Variants in SPHKAP observed in about 807,000 individuals in gnomAD.
SPHKAP encodes SPHK1 interactor, AKAP domain containing, also known as A-kinase anchor protein SPHKAP.
A neutral mutation model predicts 137.5 loss-of-function variants in SPHKAP; 67 were observed. The ratio of observed to expected loss-of-function variants is 0.49; its 90% CI spans 0.40 to 0.60. The LOEUF (loss-of-function observed/expected upper bound fraction) is 0.60, where lower values mean the gene tolerates loss of function less well. Ranked by LOEUF, SPHKAP falls within the 20% of genes least tolerant of loss-of-function variation. The pLI, the probability that SPHKAP is intolerant of heterozygous loss-of-function variation, is 0.00. For synonymous variants in SPHKAP, 813 were observed against 785.3 expected, an observed-to-expected ratio of 1.04 and a Z score of -0.59; for missense variants, 2,097 against 2,069.3, an observed-to-expected ratio of 1.01 and a Z score of -0.26.
chr2:228,054,440 G>T (rs772182369), intron 3 of SPHKAP, among the ~76,000 whole-genome samples: 4 of 152,210 alleles, frequency 2.6e-5, no homozygotes, highest in Middle Eastern at 3.4e-3. Context: ...GTGTAGAATG[G>T]TATAGAATAG....
intron 1 of SPHKAP, among the ~76,000 whole-genome samples, chr2:228,153,666 A>T (rs1258911722): frequency 2.0e-5 from 3 of 152,130 alleles, no homozygotes; most frequent in African/African-American, 7.2e-5. Flanking sequence ...TGGTCTGATG[A>T]TATTTAGCTG....
intron 3 of SPHKAP, among the ~76,000 whole-genome samples, chr2:228,041,827 TG>T (rs1288821337): frequency 6.6e-6 from 1 of 151,920 alleles, no homozygotes; most frequent in Non-Finnish European, 1.5e-5. Context: ...GGAGGGGATG[TG>T]CAGACTCTGG....
chr2:228,061,473 T>C (rs1232440318), intron 3 of SPHKAP, among the ~76,000 whole-genome samples: 1 of 152,044 alleles, frequency 6.6e-6, no homozygotes, highest in East Asian at 1.9e-4. Flanking sequence ...GATTTCATCA[T>C]GTTGACTGGG....
At chr2:228,013,403 C>T (rs1182456253) in intron 7 of SPHKAP, among the ~76,000 whole-genome samples, 2 of 152,118 alleles carry the variant, frequency 1.3e-5, no homozygotes, top group Non-Finnish European at 2.9e-5. Context: ...CCCTCCACCA[C>T]ACCTGGCTAA....
intron 3 of SPHKAP, among the ~76,000 whole-genome samples, chr2:228,092,952 T>A (rs1261737013): frequency 1.3e-5 from 2 of 152,024 alleles, no homozygotes; most frequent in East Asian, 3.9e-4. Context: ...CAAACTGGGT[T>A]CAGTGTATAC....
chr2:228,012,163 CAAAAAAAAAAAAAAA>C (rs544782857), intron 7 of SPHKAP, among the ~76,000 whole-genome samples: 1 of 84,924 alleles, frequency 1.2e-5, no homozygotes, highest in Non-Finnish European at 2.2e-5. Flanking sequence ...GACTCTACCT[CAAAAAAAAAAAAAAA>C]AAAAAAAAAA....
intron 3 of SPHKAP, among the ~76,000 whole-genome samples, chr2:228,053,857 A>G (rs1412106017): frequency 6.6e-6 from 1 of 151,778 alleles, no homozygotes; most frequent in African/African-American, 2.4e-5. Flanking sequence ...CCATTGTCCC[A>G]TTTTCTTTGT....
chr2:228,045,125 T>C (rs569677058), intron 3 of SPHKAP, among the ~76,000 whole-genome samples: 20 of 150,530 alleles, frequency 1.3e-4, no homozygotes, highest in Non-Finnish European at 2.5e-4. Flanking sequence ...TGTGGAGAAA[T>C]AGGAACACTT....
At chr2:228,012,599 C>T (rs1013602368) in intron 7 of SPHKAP, among the ~76,000 whole-genome samples, 5 of 152,172 alleles carry the variant, frequency 3.3e-5, no homozygotes, top group African/African-American at 1.2e-4. Context: ...TGTACTCTCC[C>T]TGTCTCTCCC....
At chr2:228,140,282 G>A (rs2106385651) in intron 1 of SPHKAP, among the ~76,000 whole-genome samples, 1 of 150,448 alleles carries the variant, frequency 6.6e-6, no homozygotes, top group South Asian at 2.1e-4. Context: ...AAAAAATGAG[G>A]TATATATTTT....
intron 3 of SPHKAP, among the ~76,000 whole-genome samples, chr2:228,063,857 T>C (rs943896459): frequency 1.3e-5 from 2 of 152,340 alleles, no homozygotes; most frequent in South Asian, 2.1e-4. Context: ...GGTCCATTCA[T>C]CCTGAAATTA....
chr2:228,081,613 C>T (rs561486353), intron 3 of SPHKAP, among the ~76,000 whole-genome samples: 1 of 152,186 alleles, frequency 6.6e-6, no homozygotes, highest in East Asian at 1.9e-4. Context: ...ACTACTCAGC[C>T]TTAAAGAAAG....
At position 228,016,520 on chromosome 2, in the gene SPHKAP, G is replaced by C. The variant is rs746168923; in HGVS notation, c.4334C>G (p.Pro1445Arg). 32 of 1,613,852 alleles carry C rather than the reference G, an allele frequency of 2.0e-5. 1 individual carries two copies. Among genetic ancestry groups the C allele is most frequent in the East Asian group, 4.5e-5 (2 of 44,888 alleles). Residue 1445 changes from proline to arginine, a missense_variant, in exon 7 of 12, where the codon CCC becomes CGC. Pro to Arg is a moderately radical substitution (Grantham distance 103, BLOSUM62 -2). Coordinates refer to ENST00000392056, the MANE Select transcript of SPHKAP (RefSeq NM_001142644.2). ...TAGGAGGCTGCTTTTGGAAAGGAAG[G>C]GTTCAGGTTCCCCAGCACAGGCTTC... ...QREACAGEPEPFLSKSSLLEE... is the reference protein window; with the variant it reads ...QREACAGEPERFLSKSSLLEE...
chr2:228,171,597 A>C (rs1479208241), intron 1 of SPHKAP, among the ~76,000 whole-genome samples: 1 of 152,194 alleles, frequency 6.6e-6, no homozygotes, highest in Non-Finnish European at 1.5e-5. Flanking sequence ...CATTTGCGAG[A>C]GATCACAAGA....
At chr2:227,988,784 T>C (rs1693305202) in intron 11 of SPHKAP, among the ~76,000 whole-genome samples, 1 of 152,004 alleles carries the variant, frequency 6.6e-6, no homozygotes, top group South Asian at 2.1e-4. Context: ...GGCATGGGGG[T>C]AGGGTCACAC....
chr2:228,112,641 C>T (rs976238413), intron 2 of SPHKAP, among the ~76,000 whole-genome samples: 2 of 152,014 alleles, frequency 1.3e-5, no homozygotes, highest in African/African-American at 4.8e-5. Context: ...TGCGAAGATT[C>T]CAGAGCTATG....
At chr2:228,039,800 G>A (rs1353045086) in intron 3 of SPHKAP, among the ~76,000 whole-genome samples, 1 of 152,134 alleles carries the variant, frequency 6.6e-6, no homozygotes, top group Non-Finnish European at 1.5e-5. Context: ...TAAACACATA[G>A]AAAGAACTGA....
chr2:228,118,592 G>C (rs941067213), intron 2 of SPHKAP, among the ~76,000 whole-genome samples: 1 of 151,710 alleles, frequency 6.6e-6, no homozygotes, highest in Non-Finnish European at 1.5e-5. Context: ...GTATTTCTTT[G>C]CGGTTTGTTT....
chr2:228,154,530 A>T (rs1328183430), intron 1 of SPHKAP, among the ~76,000 whole-genome samples: 18 of 48,426 alleles, frequency 3.7e-4, no homozygotes, highest in East Asian at 6.8e-4. Context: ...ATATATATAT[A>T]TATTTTTTTT....
Sources: gnomAD v4.1 joint callset for allele counts (sites outside exome capture counted in the v4.1 genomes callset) on GRCh38, gnomAD v4.1.1 for gene constraint, MANE v1.5 for transcripts, NCBI Gene and HGNC (gene_info 2026-07-23, HGNC 2026-07-21) for gene names.